PARD3: variants seen among roughly 807,000 people sequenced by gnomAD.
PARD3 encodes the protein partitioning defective 3 homolog.
PARD3 carries 75 observed loss-of-function variants against 155.4 expected under a neutral mutation model. That is an observed-to-expected ratio of 0.48 (90% CI 0.40 to 0.58). The LOEUF (loss-of-function observed/expected upper bound fraction) is 0.58. Among genes scored for constraint, PARD3 ranks in the 20% least tolerant of loss-of-function variants. The pLI is 0.00. For synonymous variants in PARD3, 576 were observed against 610.5 expected (o/e 0.94, Z 0.83); for missense variants, 1,642 against 1,721.7 (o/e 0.95, Z 0.82).
chr10:34,814,362 C>A (rs879274287), intron 1 of PARD3, among the ~76,000 whole-genome samples: 4 of 152,168 alleles, frequency 2.6e-5, no homozygotes, highest in Non-Finnish European at 4.4e-5. Context: ...GTTCCGCCCC[C>A]GCCCGAGTAA....
chr10:34,710,816 G>T (rs1286600220), intron 1 of PARD3, among the ~76,000 whole-genome samples: 1 of 152,120 alleles, frequency 6.6e-6, no homozygotes, highest in African/African-American at 2.4e-5. Flanking sequence ...CCACATATCT[G>T]CAAAGCTTTC....
At chr10:34,148,278 C>T (rs562942008) in intron 22 of PARD3, among the ~76,000 whole-genome samples, 17 of 152,298 alleles carry the variant, frequency 1.1e-4, no homozygotes, top group African/African-American at 2.2e-4. Flanking sequence ...ATATTAGCCA[C>T]GTTTGCACAA....
At chr10:34,638,598 A>AGCT (rs1454283149) in intron 2 of PARD3, among the ~76,000 whole-genome samples, 1 of 152,242 alleles carries the variant, frequency 6.6e-6, no homozygotes, top group Non-Finnish European at 1.5e-5. Context: ...AGGCTCACTC[A>AGCT]GCTGCCAGCA....
rs554095543 is a variant in PARD3, at chr10:34,372,550, A to G, written c.1669-14T>C. On this transcript the variant is annotated splice_polypyrimidine_tract_variant and intron_variant, in intron 11 of 24. Coordinates refer to ENST00000374788, the MANE Select transcript of PARD3 (RefSeq NM_001184785.2). Reference sequence around the variant, plus strand: ...TGGCTCTGCATTCTAGAAGAATTGAAGAAAAACATAAATACAGACTGACCA... The same window carrying G: ...TGGCTCTGCATTCTAGAAGAATTGAGGAAAAACATAAATACAGACTGACCA... 15 of 1,594,762 alleles carry G rather than the reference A, an allele frequency of 9.4e-6. No individual in the cohort carries two copies. The South Asian group carries it at 1.4e-4, about 15-fold the overall frequency.
chr10:34,382,399 C>G, intron 9 of PARD3, 141 bp downstream of exon 9: 1 of 755,196 alleles, frequency 1.3e-6, no homozygotes, highest in Non-Finnish European at 2.1e-6. Context: ...AAAAATCTAT[C>G]AGTTCTTTCA....
At chr10:34,699,233 C>T (rs2094228952) in intron 1 of PARD3, among the ~76,000 whole-genome samples, 1 of 152,060 alleles carries the variant, frequency 6.6e-6, no homozygotes, top group African/African-American at 2.4e-5. Flanking sequence ...TTATTAAATG[C>T]CACTCCACAA....
chr10:34,415,215 A>G (rs1368723321), intron 5 of PARD3, among the ~76,000 whole-genome samples: 1 of 152,144 alleles, frequency 6.6e-6, no homozygotes, highest in African/African-American at 2.4e-5. Flanking sequence ...CCGTATATGT[A>G]GTGTTTGTTG....
chr10:34,200,766 T>C (rs1225356352), intron 22 of PARD3, among the ~76,000 whole-genome samples: 1 of 152,206 alleles, frequency 6.6e-6, no homozygotes, highest in Non-Finnish European at 1.5e-5. Context: ...CTAGGGATAT[T>C]GCTGCATTAT....
At chr10:34,323,286 A>G (rs940422979) in intron 19 of PARD3, among the ~76,000 whole-genome samples, 1 of 152,182 alleles carries the variant, frequency 6.6e-6, no homozygotes, top group Non-Finnish European at 1.5e-5. Context: ...TTAACATTAG[A>G]ATGATGAGCT....
intron 20 of PARD3, among the ~76,000 whole-genome samples, chr10:34,301,458 G>A (rs1439342255): frequency 1.3e-5 from 2 of 151,922 alleles, no homozygotes; most frequent in African/African-American, 4.8e-5. Context: ...TCCTTCCTCT[G>A]CCCCATTCCT....
chr10:34,410,537 G>A (rs546160186), intron 5 of PARD3, among the ~76,000 whole-genome samples: 1 of 152,258 alleles, frequency 6.6e-6, no homozygotes, highest in South Asian at 2.1e-4. Flanking sequence ...TTTGGAGGAA[G>A]TCTATAACAT....
chr10:34,287,773 G>A (rs1269673784), intron 20 of PARD3, among the ~76,000 whole-genome samples: 1 of 152,110 alleles, frequency 6.6e-6, no homozygotes, highest in Non-Finnish European at 1.5e-5. Flanking sequence ...GTAGGTTCCT[G>A]ATTCATACCT....
At chr10:34,565,006 TTAACTTCTGGAG>T (rs1244868302) in intron 2 of PARD3, among the ~76,000 whole-genome samples, 1 of 152,042 alleles carries the variant, frequency 6.6e-6, no homozygotes, top group Non-Finnish European at 1.5e-5. Flanking sequence ...ACAGAACTAA[TTAACTTCTGGAG>T]CCAAGATCAG....
At chr10:34,768,080 C>T (rs944818330) in intron 1 of PARD3, among the ~76,000 whole-genome samples, 5 of 152,160 alleles carry the variant, frequency 3.3e-5, no homozygotes, top group African/African-American at 4.8e-5. Context: ...TCAGTCCTCA[C>T]TTAACTAGAC....
chr10:34,587,370 G>A (rs1245855428), intron 2 of PARD3, among the ~76,000 whole-genome samples: 2 of 152,056 alleles, frequency 1.3e-5, no homozygotes, highest in Non-Finnish European at 2.9e-5. Context: ...AAAGTGCTGG[G>A]ATTACAGGTG....
rs116140840 is a variant in PARD3, at chr10:34,247,478, C to T, written c.3419+22179G>A. 4.7e-3 allele frequency among the ~76,000 whole-genome samples: 707 copies of T among 152,006 alleles called. 6 individuals are homozygous for T. The highest frequency in any genetic ancestry group is 0.016 in the African/African-American group (662 of 41,462). ...GATCACGCCACTGCACTCCAGCCTG[C>T]GTGACACAGCGACTCTGAAAGAAAC... is the stretch of plus-strand genomic sequence containing the variant. On this transcript the variant is annotated intron_variant, in intron 22 of 24. Transcript: ENST00000374788.
rs376523488 is a variant in PARD3, at chr10:34,706,820, A to T, written c.121-10401T>A. Among the ~76,000 whole-genome samples the T allele has an allele frequency of 1.3e-4, 20 of 152,208 alleles. No individual in the cohort carries two copies. The East Asian group carries it at 3.1e-3, about 24-fold the overall frequency. ...GACGAGATCCATAAAGTATTTTAAT[A>T]AAAAGGGCCAGGTGTTGTGGCTCAC... is the stretch of plus-strand genomic sequence containing the variant. On this transcript the variant is annotated intron_variant, in intron 1 of 24. Transcript: ENST00000374788.
At chr10:34,812,918 C>A (rs936385050) in intron 1 of PARD3, among the ~76,000 whole-genome samples, 2 of 152,166 alleles carry the variant, frequency 1.3e-5, no homozygotes, top group Non-Finnish European at 2.9e-5. Context: ...GGACCAGGTC[C>A]GTGACCAAGG....
chr10:34,505,522 A>G (rs2081003656), intron 3 of PARD3, among the ~76,000 whole-genome samples: 2 of 152,142 alleles, frequency 1.3e-5, no homozygotes, highest in African/African-American at 4.8e-5. Flanking sequence ...TCAAAGGCAA[A>G]TTCTGGTGAA....
Sources: allele counts gnomAD v4.1 joint callset (sites outside exome capture counted in the v4.1 genomes callset), GRCh38; gene constraint gnomAD v4.1.1; transcripts MANE v1.5; gene names NCBI Gene and HGNC (gene_info 2026-07-23, HGNC 2026-07-21).